TBC1D5: variants seen among roughly 807,000 people sequenced by gnomAD.
TBC1D5 encodes TBC1 domain family, member 5.
TBC1D5 carries 75 observed loss-of-function variants against 100.3 expected under a neutral mutation model. The observed-to-expected ratio is 0.75, with a 90% CI of 0.62 to 0.91. TBC1D5 has a LOEUF of 0.91. TBC1D5 is among the 40% of genes least tolerant of loss of function. The pLI, the probability that TBC1D5 is intolerant of heterozygous loss-of-function variation, is 0.00. For missense variants in TBC1D5, 910 were observed against 942.4 expected, an observed-to-expected ratio of 0.97 and a Z score of 0.45; for synonymous variants, 323 against 325.6, an observed-to-expected ratio of 0.99 and a Z score of 0.09.
At chr3:17,429,934 A>C (rs2094417373) in intron 3 of TBC1D5, among the ~76,000 whole-genome samples, 1 of 148,280 alleles carries the variant, frequency 6.7e-6, no homozygotes, top group Non-Finnish European at 1.5e-5. Flanking sequence ...TTTTGAAAAA[A>C]CAAAAAATCC....
At chr3:17,705,375 G>C (rs1169704011) in intron 1 of TBC1D5, among the ~76,000 whole-genome samples, 3 of 133,686 alleles carry the variant, frequency 2.2e-5, no homozygotes, top group African/African-American at 8.1e-5. Context: ...CCCGGACGGG[G>C]TGGCTGCCGG....
chr3:17,439,823 C>A (rs1575953893), intron 3 of TBC1D5, among the ~76,000 whole-genome samples: 1 of 151,962 alleles, frequency 6.6e-6, no homozygotes, highest in African/African-American at 2.4e-5. Context: ...AGGAAATGTA[C>A]AATATTGTAC....
intron 2 of TBC1D5, among the ~76,000 whole-genome samples, chr3:17,602,991 C>T (rs2061083902): frequency 6.6e-6 from 1 of 152,092 alleles, no homozygotes; most frequent in African/African-American, 2.4e-5. Context: ...GGAATGAACA[C>T]AGACAAATGC....
At chr3:17,687,903 C>G (rs1167521747) in intron 1 of TBC1D5, among the ~76,000 whole-genome samples, 1 of 151,962 alleles carries the variant, frequency 6.6e-6, no homozygotes, top group African/African-American at 2.4e-5. Context: ...CTAAGGAAGA[C>G]AGAATAAATT....
intron 2 of TBC1D5, among the ~76,000 whole-genome samples, chr3:17,571,852 C>T (rs2096629264): frequency 6.6e-6 from 1 of 152,072 alleles, no homozygotes; most frequent in Non-Finnish European, 1.5e-5. Context: ...CAATATACAG[C>T]TTTCACACTT....
At chr3:17,640,882 T>A (rs188518293) in intron 1 of TBC1D5, among the ~76,000 whole-genome samples, 11 of 151,964 alleles carry the variant, frequency 7.2e-5, no homozygotes, top group Admixed American at 7.2e-4. Flanking sequence ...TATGTGAGAA[T>A]CTATTAAAGA....
rs542735079 is a variant in TBC1D5 at position 17,476,962 on chromosome 3, T to A, written c.97+31512A>T. ...AAACTAAATTATTAAATTCTAATAA[T>A]TTATGTGTAGATTTTTATTTCTAAT... is the stretch of plus-strand genomic sequence containing the variant. On this transcript the variant is annotated intron_variant, in intron 3 of 21. Transcript: ENST00000253692. Among the ~76,000 whole-genome samples, 12 of 152,108 alleles carry A rather than the reference T, an allele frequency of 7.9e-5. No individual in the cohort carries two copies. The South Asian group carries it at 2.5e-3, about 32-fold the overall frequency.
intron 13 of TBC1D5, among the ~76,000 whole-genome samples, chr3:17,321,262 C>G (rs1235235523): frequency 6.6e-6 from 1 of 152,144 alleles, no homozygotes; most frequent in Non-Finnish European, 1.5e-5. Context: ...TGTAGAGACA[C>G]TATGTTGCCC....
intron 2 of TBC1D5, among the ~76,000 whole-genome samples, chr3:17,572,747 C>T (rs945931667): frequency 3.9e-5 from 6 of 152,080 alleles, no homozygotes; most frequent in Non-Finnish European, 7.4e-5. Flanking sequence ...ATTTATCACA[C>T]TGTCGTGTTG....
chr3:17,676,940 G>A (rs1364705332), intron 1 of TBC1D5, among the ~76,000 whole-genome samples: 1 of 152,148 alleles, frequency 6.6e-6, no homozygotes, highest in East Asian at 1.9e-4. Context: ...GGGAAAACTG[G>A]CTAGCCATAT....
intron 3 of TBC1D5, among the ~76,000 whole-genome samples, chr3:17,484,490 T>TGTGTGTGTGTGTG (rs2095536962): frequency 9.1e-5 from 9 of 99,404 alleles, no homozygotes; most frequent in African/African-American, 3.9e-4. Context: ...GTGTGTGTGT[T>TGTGTGTGTGTGTG]TGGGTAACAA....
At chr3:17,320,679 T>C (rs1024086142) in intron 13 of TBC1D5, among the ~76,000 whole-genome samples, 6 of 152,238 alleles carry the variant, frequency 3.9e-5, no homozygotes, top group African/African-American at 1.4e-4. Flanking sequence ...TATTGATTCA[T>C]CTGGTATTCA....
intron 15 of TBC1D5, among the ~76,000 whole-genome samples, chr3:17,267,343 A>G (rs1028926257): frequency 2.6e-5 from 4 of 151,846 alleles, no homozygotes; most frequent in Non-Finnish European, 4.4e-5. Flanking sequence ...GGCTCTTTTC[A>G]GTAGTACTGA....
intron 3 of TBC1D5, among the ~76,000 whole-genome samples, chr3:17,469,511 A>G (rs2095348589): frequency 6.9e-6 from 1 of 145,966 alleles, no homozygotes; most frequent in Admixed American, 7.7e-5. Context: ...ATGCACAAGA[A>G]AAAAAAAAAA....
intron 13 of TBC1D5, among the ~76,000 whole-genome samples, chr3:17,363,876 T>C (rs1202299312): frequency 6.6e-6 from 1 of 152,012 alleles, no homozygotes; most frequent in Non-Finnish European, 1.5e-5. Flanking sequence ...AGTATTTTAT[T>C]CTTCATATTA....
chr3:17,367,233 C>T (rs1484276278), intron 13 of TBC1D5, among the ~76,000 whole-genome samples: 3 of 152,120 alleles, frequency 2.0e-5, no homozygotes, highest in Admixed American at 2.0e-4. Flanking sequence ...TAAAAGAATG[C>T]TGTAGTAGCA....
chr3:17,244,430 G>A (rs2076557468), intron 16 of TBC1D5, among the ~76,000 whole-genome samples: 1 of 152,168 alleles, frequency 6.6e-6, no homozygotes, highest in African/African-American at 2.4e-5. Context: ...TATTTTCCCT[G>A]TGTCCTTAGT....
At chr3:17,519,428 A>G (rs757511711) in intron 2 of TBC1D5, among the ~76,000 whole-genome samples, 17 of 152,144 alleles carry the variant, frequency 1.1e-4, no homozygotes, top group Non-Finnish European at 2.4e-4. Flanking sequence ...CGCCTTACCA[A>G]CTGCTACTGG....
At chr3:17,489,940 T>C (rs1343503694) in intron 3 of TBC1D5, among the ~76,000 whole-genome samples, 1 of 152,226 alleles carries the variant, frequency 6.6e-6, no homozygotes, top group East Asian at 1.9e-4. Context: ...TCTTCCACAA[T>C]GGTGGAATTT....
Sources: gnomAD v4.1 joint callset for allele counts (sites outside exome capture counted in the v4.1 genomes callset) on GRCh38, gnomAD v4.1.1 for gene constraint, MANE v1.5 for transcripts, NCBI Gene and HGNC (gene_info 2026-07-23, HGNC 2026-07-21) for gene names.